The following PPP2R2B variants were observed in gnomAD, a reference collection of about 807,000 sequenced individuals.
PPP2R2B encodes serine/threonine-protein phosphatase 2A 55 kDa regulatory subunit B beta isoform.
A neutral mutation model predicts 46.0 loss-of-function variants in PPP2R2B; 5 were observed. The ratio of observed to expected loss-of-function variants is 0.11; its 90% CI spans 0.06 to 0.23. The LOEUF (loss-of-function observed/expected upper bound fraction) is 0.23. PPP2R2B is among the 10% of genes least tolerant of loss of function. The pLI, the probability that PPP2R2B is intolerant of heterozygous loss-of-function variation, is 1.00. For missense variants in PPP2R2B, 367 were observed against 575.0 expected, an observed-to-expected ratio of 0.64 and a Z score of 3.70; for synonymous variants, 215 against 206.7, an observed-to-expected ratio of 1.04 and a Z score of -0.34.
chr5:146,915,604 T>G (rs1763358476), intron 1 of PPP2R2B, among the ~76,000 whole-genome samples: 1 of 152,188 alleles, frequency 6.6e-6, no homozygotes, highest in Non-Finnish European at 1.5e-5. Context: ...TACCCTAAGT[T>G]TAGCTGTCAC....
intron 1 of PPP2R2B, among the ~76,000 whole-genome samples, chr5:146,953,855 A>G (rs1751747759): frequency 6.6e-6 from 1 of 152,174 alleles, no homozygotes; most frequent in African/African-American, 2.4e-5. Context: ...TCTAAACACA[A>G]ATGTGGATAT....
chr5:146,975,549 A>G (rs1162510868), intron 1 of PPP2R2B, among the ~76,000 whole-genome samples: 1 of 152,210 alleles, frequency 6.6e-6, no homozygotes, highest in East Asian at 1.9e-4. Context: ...ATCATATGGT[A>G]ACTCAATTTT....
chr5:147,038,558 G>A (rs578058415), intron 1 of PPP2R2B, among the ~76,000 whole-genome samples: 3 of 152,214 alleles, frequency 2.0e-5, no homozygotes, highest in Non-Finnish European at 4.4e-5. Context: ...AGTGGCTGGT[G>A]CGATAAAAGG....
intron 1 of PPP2R2B, among the ~76,000 whole-genome samples, chr5:146,904,536 A>G (rs1762937345): frequency 6.6e-6 from 1 of 152,202 alleles, no homozygotes; most frequent in African/African-American, 2.4e-5. Context: ...CCCGAGTCCT[A>G]AAGTATAGCC....
At chr5:146,657,453 A>G (rs979555644) in intron 5 of PPP2R2B, among the ~76,000 whole-genome samples, 26 of 152,186 alleles carry the variant, frequency 1.7e-4, no homozygotes, top group Non-Finnish European at 3.5e-4. Context: ...CTCTAGGTCA[A>G]ATCTCATTGA....
chr5:147,004,664 A>G (rs1239748129), intron 1 of PPP2R2B, among the ~76,000 whole-genome samples: 1 of 152,206 alleles, frequency 6.6e-6, no homozygotes, highest in Non-Finnish European at 1.5e-5. Flanking sequence ...ATGAATATGG[A>G]GAACGAGTTA....
intron 5 of PPP2R2B, among the ~76,000 whole-genome samples, chr5:146,690,662 T>A (rs1039440999): frequency 1.3e-5 from 2 of 152,216 alleles, no homozygotes; most frequent in Non-Finnish European, 2.9e-5. Context: ...GAAATTAAAA[T>A]TAACTTGCAT....
chr5:146,793,961 C>T (rs1756368458), intron 2 of PPP2R2B, among the ~76,000 whole-genome samples: 1 of 152,186 alleles, frequency 6.6e-6, no homozygotes, highest in Non-Finnish European at 1.5e-5. Context: ...CATGCCTAGA[C>T]ATTGATTCAG....
intron 7 of PPP2R2B, among the ~76,000 whole-genome samples, chr5:146,635,848 C>G (rs1774782762): frequency 6.6e-6 from 1 of 152,182 alleles, no homozygotes. Context: ...TATAATGTGA[C>G]CAAGTCAGAT....
chr5:146,864,575 A>G (rs1170784542), intron 2 of PPP2R2B, among the ~76,000 whole-genome samples: 5 of 151,994 alleles, frequency 3.3e-5, no homozygotes, highest in African/African-American at 1.2e-4. Flanking sequence ...GGTTCCATAT[A>G]CTCATCTACA....
intron 2 of PPP2R2B, among the ~76,000 whole-genome samples, chr5:146,804,944 G>A (rs1206100535): frequency 6.6e-6 from 1 of 152,058 alleles, no homozygotes; most frequent in Non-Finnish European, 1.5e-5. Flanking sequence ...AATTTGAGGG[G>A]AATATAATTT....
intron 5 of PPP2R2B, among the ~76,000 whole-genome samples, chr5:146,654,494 T>G (rs756996556): frequency 3.9e-5 from 6 of 152,228 alleles, no homozygotes; most frequent in Non-Finnish European, 7.3e-5. Flanking sequence ...CTGTGGTGTA[T>G]GGATGTGACA....
intron 1 of PPP2R2B, among the ~76,000 whole-genome samples, chr5:146,919,112 A>G (rs930894695): frequency 2.0e-5 from 3 of 152,244 alleles, no homozygotes; most frequent in African/African-American, 4.8e-5. Flanking sequence ...TAACTTGCCC[A>G]AAGACATAAT....
intron 1 of PPP2R2B, among the ~76,000 whole-genome samples, chr5:146,967,417 T>G (rs1386945704): frequency 6.6e-6 from 1 of 152,194 alleles, no homozygotes; most frequent in East Asian, 1.9e-4. Context: ...ATAACAGCCC[T>G]GTAAAATAGG....
At chr5:146,936,694 T>A (rs1764154459) in intron 1 of PPP2R2B, among the ~76,000 whole-genome samples, 1 of 152,004 alleles carries the variant, frequency 6.6e-6, no homozygotes, top group South Asian at 2.1e-4. Context: ...TCATTTCATT[T>A]CGTTTAGCCC....
chr5:146,681,075 G>A (rs528438058), intron 5 of PPP2R2B, among the ~76,000 whole-genome samples: 6 of 152,286 alleles, frequency 3.9e-5, no homozygotes, highest in East Asian at 1.9e-4. Flanking sequence ...CAATGCATCA[G>A]TCGAAGCCCG....
intron 2 of PPP2R2B, among the ~76,000 whole-genome samples, chr5:146,708,407 ATGTGTGTGTG>A (rs148698250): frequency 7.7e-4 from 107 of 138,708 alleles, no homozygotes; most frequent in Middle Eastern, 3.8e-3. Context: ...GTGTGTGTGT[ATGTGTGTGTG>A]TGTGTGTGTG....
chr5:146,979,896 A>T (rs1753088303), intron 1 of PPP2R2B, among the ~76,000 whole-genome samples: 1 of 152,206 alleles, frequency 6.6e-6, no homozygotes, highest in African/African-American at 2.4e-5. Context: ...TTGACCACAG[A>T]TAACTGAAAC....
At chr5:146,724,467 C>T (rs1751723666) in intron 2 of PPP2R2B, among the ~76,000 whole-genome samples, 1 of 152,028 alleles carries the variant, frequency 6.6e-6, no homozygotes, top group South Asian at 2.1e-4. Context: ...GCATAGTGAT[C>T]GACTCACAGG....
Sources: allele counts gnomAD v4.1 joint callset (sites outside exome capture counted in the v4.1 genomes callset), GRCh38; gene constraint gnomAD v4.1.1; transcripts MANE v1.5; gene names NCBI Gene and HGNC (gene_info 2026-07-23, HGNC 2026-07-21).